The following AHCY variants were observed in gnomAD, a reference collection of about 807,000 sequenced individuals.
AHCY encodes the protein S-adenosyl-L-homocysteine hydrolase.
A neutral mutation model predicts 45.4 loss-of-function variants in AHCY; 24 were observed. The ratio of observed to expected loss-of-function variants is 0.53; its 90% CI spans 0.38 to 0.74. The LOEUF (loss-of-function observed/expected upper bound fraction) is 0.74. AHCY is among the 30% of genes least tolerant of loss of function. The pLI, the probability that AHCY is intolerant of heterozygous loss-of-function variation, is 0.00. For missense variants in AHCY, 449 were observed against 594.1 expected (o/e 0.76, Z 2.54); for synonymous variants, 245 against 235.1 (o/e 1.04, Z -0.39).
At chr20:34,258,005 G>C in the AHCY span, among the ~76,000 whole-genome samples, 1 of 152,014 alleles carries the variant, frequency 6.6e-6, no homozygotes, top group African/African-American at 2.4e-5. Flanking sequence ...TTAGCTGGGC[G>C]TGGTGGCAAG....
chr20:34,239,708 T>C, the AHCY span, among the ~76,000 whole-genome samples: 1 of 152,204 alleles, frequency 6.6e-6, no homozygotes, highest in Non-Finnish European at 1.5e-5. Flanking sequence ...AATCCAGATC[T>C]CCTGACTCCC....
In AHCY at chr20:34,290,062, G is replaced by A. The variant is rs144523342; in HGVS notation, c.972+270C>T. ...CTAAAAGCCTCTCTCCCCACCACCC[G>A]CCATTGTTGCTTTTATTCTGCACAC... On this transcript the variant is annotated intron_variant, in intron 8 of 9. Coordinates refer to ENST00000217426, the MANE Select transcript of AHCY (RefSeq NM_000687.4). The surrounding 1 kb of genome is among the most constrained non-coding windows in gnomAD (Gnocchi z 4.5). Among the ~76,000 whole-genome samples the A allele has an allele frequency of 4.7e-3, 721 of 152,210 alleles. 5 individuals carry two copies. Among genetic ancestry groups the A allele is most frequent in the African/African-American group, 0.016 (669 of 41,522 alleles).
chr20:34,304,624 A>G (rs1396264700), upstream of AHCY, among the ~76,000 whole-genome samples: 2 of 151,856 alleles, frequency 1.3e-5, no homozygotes, highest in Non-Finnish European at 2.9e-5. Context: ...GGTTCAAGCA[A>G]TTCTCCTGCC....
downstream of AHCY, among the ~76,000 whole-genome samples, chr20:34,279,025 C>T (rs2035937692): frequency 7.1e-6 from 1 of 140,676 alleles, no homozygotes. Context: ...AGGAGAATTG[C>T]TTGAACTCAG....
chr20:34,256,951 C>T, the AHCY span, among the ~76,000 whole-genome samples: 1 of 152,042 alleles, frequency 6.6e-6, no homozygotes, highest in Admixed American at 6.6e-5. Flanking sequence ...CTGCTAAGAG[C>T]CTTTTGTTAA....
At chr20:34,247,474 T>C in the AHCY span, among the ~76,000 whole-genome samples, 1 of 151,592 alleles carries the variant, frequency 6.6e-6, no homozygotes, top group Non-Finnish European at 1.5e-5. Context: ...CTAATTTTTG[T>C]ATTTTTGTAG....
chr20:34,254,551 T>C, the AHCY span, among the ~76,000 whole-genome samples: 7 of 152,198 alleles, frequency 4.6e-5, no homozygotes, highest in East Asian at 1.2e-3. Context: ...CTGAAGACAT[T>C]TGGCAACAAA....
chr20:34,235,834 A>AAAG, the AHCY span, among the ~76,000 whole-genome samples: 1 of 67,228 alleles, frequency 1.5e-5, no homozygotes, highest in African/African-American at 1.6e-4. Flanking sequence ...AGAAAGAAAG[A>AAAG]AAGAAAGAAG....
chr20:34,264,523 T>C, the AHCY span, among the ~76,000 whole-genome samples: 2 of 152,162 alleles, frequency 1.3e-5, no homozygotes, highest in Admixed American at 6.6e-5. Context: ...ATTCTGGAAG[T>C]GTTCCCAAGA....
chr20:34,297,964 C>T (rs1192780596), intron 1 of AHCY, among the ~76,000 whole-genome samples: 1 of 152,056 alleles, frequency 6.6e-6, no homozygotes, highest in East Asian at 1.9e-4. Context: ...CATGGTGAAA[C>T]CCCGTCTCTA....
chr20:34,235,966 A>AGGGAAGGAAGGAAGGAAGC, the AHCY span, among the ~76,000 whole-genome samples: 2 of 86,628 alleles, frequency 2.3e-5, no homozygotes, highest in African/African-American at 2.7e-4. Context: ...GGAAGGAAGG[A>AGGGAAGGAAGGAAGGAAGC]GGGAGGGAGG....
At chr20:34,264,344 C>T in the AHCY span, among the ~76,000 whole-genome samples, 1 of 152,194 alleles carries the variant, frequency 6.6e-6, no homozygotes, top group East Asian at 1.9e-4. Flanking sequence ...CGAGTACGTG[C>T]TTACAACGCT....
chr20:34,308,574 T>C (rs745415120), intron 1 of AHCY, among the ~76,000 whole-genome samples: 3 of 151,942 alleles, frequency 2.0e-5, no homozygotes, highest in African/African-American at 4.8e-5. Flanking sequence ...TTTTTTTAAG[T>C]ATTTGAAATC....
At chr20:34,311,294 C>G (rs2036945214) in intron 1 of AHCY, among the ~76,000 whole-genome samples, 1 of 152,212 alleles carries the variant, frequency 6.6e-6, no homozygotes, top group South Asian at 2.1e-4. Context: ...GCTGGATGTA[C>G]AAGAAACTGC....
chr20:34,253,395 C>T, the AHCY span, among the ~76,000 whole-genome samples: 1 of 151,570 alleles, frequency 6.6e-6, no homozygotes, highest in African/African-American at 2.4e-5. Context: ...CGTGAGCCAC[C>T]GCGCCCAGCC....
At chr20:34,235,199 T>G in the AHCY span, among the ~76,000 whole-genome samples, 6 of 152,242 alleles carry the variant, frequency 3.9e-5, no homozygotes, top group East Asian at 1.2e-3. Flanking sequence ...CCCAGCACTT[T>G]GAGAGGCCGA....
chr20:34,239,022 C>T, the AHCY span, among the ~76,000 whole-genome samples: 20 of 152,256 alleles, frequency 1.3e-4, no homozygotes, highest in East Asian at 3.9e-3. Flanking sequence ...GCCATCTTCC[C>T]AGAATACTTT....
At chr20:34,258,674 C>CATATATATATATATATATATATATATTAT in the AHCY span, among the ~76,000 whole-genome samples, 3 of 12,154 alleles carry the variant, frequency 2.5e-4, no homozygotes, top group Non-Finnish European at 1.2e-4. Context: ...AGGGGGATGC[C>CATATATATATATATATATATATATATTAT]ATATATATAT....
the AHCY span, among the ~76,000 whole-genome samples, chr20:34,237,918 A>G: frequency 1.3e-5 from 2 of 152,142 alleles, no homozygotes; most frequent in Non-Finnish European, 2.9e-5. Context: ...AATCTGATAT[A>G]GGATTCTTGG....
Sources: gnomAD v4.1 joint callset for allele counts (sites outside exome capture counted in the v4.1 genomes callset) on GRCh38, gnomAD v4.1.1 for gene constraint, Gnocchi (gnomAD v3.1) non-coding constraint, MANE v1.5 for transcripts, NCBI Gene and HGNC (gene_info 2026-07-23, HGNC 2026-07-21) for gene names.